Variants in PCDHA11 observed in about 807,000 individuals in gnomAD.
The protein encoded by PCDHA11 is protocadherin alpha 11, also known as protocadherin alpha-11.
A neutral mutation model predicts 70.3 loss-of-function variants in PCDHA11; 61 were observed. That is an observed-to-expected ratio of 0.87 (90% CI 0.71 to 1.07). PCDHA11 has a LOEUF of 1.07. Ranked by LOEUF, PCDHA11 falls within the 50% of genes least tolerant of loss-of-function variation. The pLI is 0.00. For missense variants in PCDHA11, 1,324 were observed against 1,237.5 expected (o/e 1.07, Z -1.05); for synonymous variants, 633 against 555.1 (o/e 1.14, Z -1.97).
At position 140,869,855 on chromosome 5, in the gene PCDHA11, T is replaced by C; in HGVS notation, c.752T>C (p.Leu251Pro). The C allele has an allele frequency of 6.2e-7, 1 of 1,610,578 alleles. No homozygotes were observed. Among genetic ancestry groups the C allele is most frequent in the Non-Finnish European group, 8.5e-7 (1 of 1,178,248 alleles). ...EFDKSEYKVS[L>P]MENAAKETLV... ...GATAAATCAGAATATAAGGTGAGCCTTATGGAAAATGCTGCTAAAGAAACT... is the reference window on the plus strand; with the variant it reads ...GATAAATCAGAATATAAGGTGAGCCCTATGGAAAATGCTGCTAAAGAAACT... Residue 251 changes from leucine to proline, a missense_variant, in exon 1 of 4, where the codon CTT (leucine) becomes CCT (proline). Transcript: ENST00000398640.
chr5:140,946,629 T>TATATATATATATATATATATAC (rs1367833800), intron 1 of PCDHA11, among the ~76,000 whole-genome samples: 1 of 123,274 alleles, frequency 8.1e-6, no homozygotes, highest in African/African-American at 3.0e-5. Context: ...TATATATATA[T>TATATATATATATATATATATAC]ATACAATGGA....
chr5:140,991,838 G>T (rs1056330823), intron 3 of PCDHA11, among the ~76,000 whole-genome samples: 1 of 152,110 alleles, frequency 6.6e-6, no homozygotes, highest in Non-Finnish European at 1.5e-5. Context: ...CGGCAGAACC[G>T]CACTTCCAGA....
In PCDHA11 at chr5:140,963,375, C is replaced by A. The variant is rs1425392684; in HGVS notation, c.2392-15574C>A. On this transcript the variant is annotated intron_variant, in intron 1 of 3. Transcript: ENST00000398640. ...CTTTTCAAAGAACATTAATTGAGCA[C>A]CTCTGTGCCAAGCTCCCTACTGGAT... is the stretch of plus-strand genomic sequence containing the variant. Among the ~76,000 whole-genome samples, 15 of 152,176 alleles carry A rather than the reference C, an allele frequency of 9.9e-5. 1 individual carries two copies. The highest frequency in any genetic ancestry group is 5.2e-4 in the Admixed American group (8 of 15,290).
intron 1 of PCDHA11, among the ~76,000 whole-genome samples, chr5:140,941,214 C>CTTCCTTTCTTT (rs1554214039): frequency 8.2e-6 from 1 of 122,414 alleles, no homozygotes; most frequent in Non-Finnish European, 1.7e-5. Context: ...TTTCTTTCTT[C>CTTCCTTTCTTT]CTTTCTTTCT....
At chr5:140,881,361 C>T (rs990387338) in intron 1 of PCDHA11, 4 of 985,122 alleles carry the variant, frequency 4.1e-6, no homozygotes, top group Non-Finnish European at 2.4e-6. Context: ...GCGTGGCTTT[C>T]GTATGAATTG....
At position 140,967,566 on chromosome 5, in the gene PCDHA11, G is replaced by T. The variant is rs1586227015; in HGVS notation, c.2392-11383G>T. The stretch of plus-strand genomic sequence containing the variant: ...CAGTCCACTTATCGCGTCCAGCTAC[G>T]GGAGGACTCACCCCCAGGCACATTG... On this transcript the variant is annotated intron_variant, in intron 1 of 3. Coordinates refer to ENST00000398640, the MANE Select transcript of PCDHA11 (RefSeq NM_018902.5). 6 of 1,614,060 alleles carry T rather than the reference G, an allele frequency of 3.7e-6. No homozygotes were observed. In the East Asian group the frequency reaches 1.3e-4, roughly 36 times the overall value.
intron 1 of PCDHA11, among the ~76,000 whole-genome samples, chr5:140,900,728 C>A (rs2068258961): frequency 1.3e-5 from 2 of 152,188 alleles, no homozygotes; most frequent in Non-Finnish European, 2.9e-5. Flanking sequence ...TCCTACCTAG[C>A]AGTGGGATTT....
intron 1 of PCDHA11, chr5:140,876,682 T>C (rs782271076): frequency 5.6e-6 from 9 of 1,614,180 alleles, no homozygotes; most frequent in Non-Finnish European, 4.2e-6. Context: ...CTACAAGAAT[T>C]ACTACTCGTT....
At chr5:140,977,911 A>T (rs2096780139) in intron 1 of PCDHA11, among the ~76,000 whole-genome samples, 1 of 152,002 alleles carries the variant, frequency 6.6e-6, no homozygotes, top group Non-Finnish European at 1.5e-5. Flanking sequence ...TTTATCCCCC[A>T]TTTTTTTCAT....
At chr5:140,983,018 A>T (rs2097022598) in intron 3 of PCDHA11, among the ~76,000 whole-genome samples, 1 of 152,096 alleles carries the variant, frequency 6.6e-6, no homozygotes, top group African/African-American at 2.4e-5. Flanking sequence ...GGAAGGAAGG[A>T]AGGAAGATGG....
At chr5:140,922,336 A>G (rs1554200779) in intron 1 of PCDHA11, among the ~76,000 whole-genome samples, 2 of 152,226 alleles carry the variant, frequency 1.3e-5, no homozygotes, top group African/African-American at 4.8e-5. Context: ...GGGTTGGTAT[A>G]TTGGTATTTT....
At chr5:140,880,822 A>G (rs893258483) in intron 1 of PCDHA11, among the ~76,000 whole-genome samples, 1 of 152,206 alleles carries the variant, frequency 6.6e-6, no homozygotes, top group Non-Finnish European at 1.5e-5. Context: ...GAGTGTCTGG[A>G]AGGGCATATT....
chr5:140,985,813 CA>C lies in PCDHA11; in HGVS notation c.2539+3251del, dbSNP rs527803363. 8.2e-5 allele frequency among the ~76,000 whole-genome samples: 12 copies of C among 146,604 alleles called. No homozygotes were observed. In the East Asian group the frequency reaches 2.3e-3, roughly 28 times the overall value. ...GGAGTGCAGTGGCACGATCTCAGCT[CA>C]CAACAAGCTCTGCCTCCCGGGTTCA... On this transcript the variant is annotated intron_variant, in intron 3 of 3. Transcript: ENST00000398640.
intron 1 of PCDHA11, among the ~76,000 whole-genome samples, chr5:140,873,040 T>C (rs2153278087): frequency 6.6e-6 from 1 of 152,312 alleles, no homozygotes; most frequent in South Asian, 2.1e-4. Flanking sequence ...CGTAGAGTGG[T>C]GGTATTACAG....
intron 3 of PCDHA11, among the ~76,000 whole-genome samples, chr5:140,986,151 G>T (rs547474191): frequency 6.6e-6 from 1 of 152,316 alleles, no homozygotes; most frequent in East Asian, 1.9e-4. Flanking sequence ...GCATCACCAA[G>T]TAATGTTTTC....
chr5:140,914,473 G>A (rs1162580496), intron 1 of PCDHA11, among the ~76,000 whole-genome samples: 1 of 152,116 alleles, frequency 6.6e-6, no homozygotes, highest in Admixed American at 6.6e-5. Flanking sequence ...TATCTTCATA[G>A]GTGAAGTGTT....
intron 1 of PCDHA11, among the ~76,000 whole-genome samples, chr5:140,943,363 T>C (rs1192531762): frequency 2.0e-5 from 3 of 148,712 alleles, no homozygotes; most frequent in Non-Finnish European, 4.5e-5. Flanking sequence ...GGAAAGGAGA[T>C]CATTAAAATA....
At chr5:140,989,546 CT>C (rs1343132361) in intron 3 of PCDHA11, among the ~76,000 whole-genome samples, 1 of 152,140 alleles carries the variant, frequency 6.6e-6, no homozygotes, top group African/African-American at 2.4e-5. Context: ...TTTGTAATTC[CT>C]TTACGTTTTG....
chr5:140,934,377 G>A (rs1183246116), intron 1 of PCDHA11, among the ~76,000 whole-genome samples: 2 of 152,050 alleles, frequency 1.3e-5, no homozygotes, highest in Non-Finnish European at 2.9e-5. Flanking sequence ...TCCTTCTGTG[G>A]TTCTATGGTG....
Sources: allele counts gnomAD v4.1 joint callset (sites outside exome capture counted in the v4.1 genomes callset), GRCh38; gene constraint gnomAD v4.1.1; transcripts MANE v1.5; gene names NCBI Gene and HGNC (gene_info 2026-07-23, HGNC 2026-07-21).